Variants in NUFIP1 observed in about 807,000 individuals in gnomAD.
The protein encoded by NUFIP1 is FMR1-interacting protein NUFIP1.
A neutral mutation model predicts 56.2 loss-of-function variants in NUFIP1; 38 were observed. The observed-to-expected ratio is 0.68, with a 90% CI of 0.52 to 0.89. The LOEUF is 0.89. Ranked by LOEUF, NUFIP1 falls within the 40% of genes least tolerant of loss-of-function variation. The probability of loss-of-function intolerance (pLI) is 0.00; values close to 1 mark genes in which losing one functional copy is unlikely to be tolerated. For missense variants in NUFIP1, 567 were observed against 605.8 expected (o/e 0.94, Z 0.67); for synonymous variants, 215 against 212.4 (o/e 1.01, Z -0.10).
chr13:44,956,719 G>A (rs1177557599), intron 7 of NUFIP1, among the ~76,000 whole-genome samples: 2 of 152,150 alleles, frequency 1.3e-5, no homozygotes, highest in African/African-American at 4.8e-5. Context: ...ACAGGAGGCG[G>A]AGCTCACAGG....
At chr13:44,968,442 A>G (rs1314986586) in intron 5 of NUFIP1, among the ~76,000 whole-genome samples, 1 of 151,608 alleles carries the variant, frequency 6.6e-6, no homozygotes, top group African/African-American at 2.4e-5. Context: ...GGGATTCAGA[A>G]GAGACTCAAA....
At chr13:44,944,290 A>C (rs1212650160) in intron 8 of NUFIP1, among the ~76,000 whole-genome samples, 1 of 152,162 alleles carries the variant, frequency 6.6e-6, no homozygotes, top group African/African-American at 2.4e-5. Flanking sequence ...TATACCAATC[A>C]CATGAACGCC....
At chr13:44,962,200 A>G (rs953774654) in intron 6 of NUFIP1, among the ~76,000 whole-genome samples, 8 of 152,224 alleles carry the variant, frequency 5.3e-5, no homozygotes, top group Non-Finnish European at 1.2e-4. Flanking sequence ...AAAGGCAAAG[A>G]TTTTCAGTTT....
In NUFIP1 at chr13:44,959,524, G is replaced by A; in HGVS notation, c.878C>T (p.Pro293Leu). The change falls in exon 7 of 10, where the codon CCT (proline) becomes CTT (leucine). Residue 293 changes from proline to leucine, a missense_variant. Transcript: ENST00000379161. The part of the protein sequence containing the change: ...RHSQMAKIRS[P>L]GKNHKWKNDN... ...GTTTTTCCATTTGTGATTCTTGCCA[G>A]GACTTCTGATCTTTGCCATTTGTGA... is the stretch of plus-strand genomic sequence containing the variant. 6.2e-7 allele frequency: 1 copy of A among 1,613,920 alleles called. No individual in the cohort carries two copies. Among genetic ancestry groups the A allele is most frequent in the Non-Finnish European group, 8.5e-7 (1 of 1,179,962 alleles).
At chr13:44,952,655 C>A (rs539187800) in intron 7 of NUFIP1, among the ~76,000 whole-genome samples, 154 of 152,244 alleles carry the variant, frequency 1.0e-3, no homozygotes, top group African/African-American at 3.6e-3. Context: ...ATCCTTCATC[C>A]AGCTTCCCTG....
chr13:44,941,910 G>T (rs999165804), intron 9 of NUFIP1, among the ~76,000 whole-genome samples: 1 of 150,722 alleles, frequency 6.6e-6, no homozygotes, highest in East Asian at 2.0e-4. Context: ...AAACGTCTGC[G>T]ATTCTTTTTT....
rs114981372 is a variant in NUFIP1, at chr13:44,955,765, G to A, written c.1021+3616C>T. On this transcript the variant is annotated intron_variant, in intron 7 of 9. Coordinates refer to ENST00000379161, the MANE Select transcript of NUFIP1 (RefSeq NM_012345.3). ...TCCAATCTTTTGGCCTCCCTGGGCCGCATTGGAAGAACTGTCTTGGGCCAC... is the reference window on the plus strand; with the variant it reads ...TCCAATCTTTTGGCCTCCCTGGGCCACATTGGAAGAACTGTCTTGGGCCAC... Among the ~76,000 whole-genome samples the A allele has an allele frequency of 5.8e-3, 879 of 152,072 alleles. 6 individuals carry two copies. The highest frequency in any genetic ancestry group is 0.02 in the African/African-American group (821 of 41,484).
chr13:44,963,325 C>A (rs1364650828), intron 6 of NUFIP1, among the ~76,000 whole-genome samples: 4 of 152,060 alleles, frequency 2.6e-5, no homozygotes, highest in Non-Finnish European at 4.4e-5. Flanking sequence ...TTTAAATTTT[C>A]AATTTTTAAT....
chr13:44,984,039 A>G (rs939662721), intron 1 of NUFIP1, among the ~76,000 whole-genome samples: 1 of 151,202 alleles, frequency 6.6e-6, no homozygotes, highest in East Asian at 1.9e-4. Flanking sequence ...ATGAGATTCT[A>G]ATTTATTTTC....
intron 5 of NUFIP1, among the ~76,000 whole-genome samples, chr13:44,971,044 T>A (rs537378064): frequency 2.0e-5 from 3 of 152,136 alleles, no homozygotes; most frequent in African/African-American, 7.2e-5. Flanking sequence ...CTATCAAACA[T>A]ACCAAAAGAA....
intron 8 of NUFIP1, among the ~76,000 whole-genome samples, chr13:44,944,629 G>A (rs1271398477): frequency 2.0e-5 from 3 of 151,956 alleles, no homozygotes. Flanking sequence ...TTCTTGTCAA[G>A]TTCATATGAA....
chr13:44,984,629 G>A (rs1053827644), intron 1 of NUFIP1, among the ~76,000 whole-genome samples: 2 of 152,120 alleles, frequency 1.3e-5, no homozygotes, highest in East Asian at 1.9e-4. Flanking sequence ...GTGACAGCAA[G>A]AGACTCTATT....
chr13:44,987,689 C>T (rs368500067), intron 1 of NUFIP1, among the ~76,000 whole-genome samples: 1 of 152,178 alleles, frequency 6.6e-6, no homozygotes, highest in African/African-American at 2.4e-5. Flanking sequence ...TTCTCACCAT[C>T]CCTTGGGCTT....
intron 5 of NUFIP1, among the ~76,000 whole-genome samples, chr13:44,970,660 T>C (rs1222232675): frequency 6.6e-6 from 1 of 152,128 alleles, no homozygotes; most frequent in Non-Finnish European, 1.5e-5. Flanking sequence ...AGTATATTTT[T>C]GTAACAGGGT....
intron 5 of NUFIP1, among the ~76,000 whole-genome samples, chr13:44,974,548 A>ATTTGT (rs768373401): frequency 1.8e-4 from 28 of 152,128 alleles, no homozygotes; most frequent in Admixed American, 1.6e-3. Flanking sequence ...GGCACTGGAA[A>ATTTGT]TTTGTTTTGT....
intron 8 of NUFIP1, among the ~76,000 whole-genome samples, chr13:44,945,825 G>T (rs1870886706): frequency 6.6e-6 from 1 of 152,062 alleles, no homozygotes; most frequent in Non-Finnish European, 1.5e-5. Context: ...ATGATATAAA[G>T]AATTCTATTC....
intron 2 of NUFIP1, among the ~76,000 whole-genome samples, chr13:44,981,331 C>CAAA (rs57342102): frequency 0.085 from 12,585 of 147,218 alleles, 880 homozygotes; most frequent in African/African-American, 0.18. Flanking sequence ...TTAGAAATAT[C>CAAA]AAAAAAAAAA....
chr13:44,989,101 G>T lies in NUFIP1; in HGVS notation c.336C>A (p.Phe112Leu), dbSNP rs779827230. ...TCCAATACCACGATGTGGAAGCATG[G>T]AAATTCCAAGGCTGGCCGCTGGGTT... ...QPQPSGQPWN[F>L]HASTSWYWRQ... The change falls in exon 1 of 10, where the codon TTC (phenylalanine) becomes TTA (leucine). Residue 112 changes from phenylalanine (F) to leucine (L), a missense_variant. Coordinates refer to ENST00000379161, the MANE Select transcript of NUFIP1 (RefSeq NM_012345.3). The T allele has an allele frequency of 1.9e-6, 3 of 1,614,200 alleles. No homozygotes were observed. Among genetic ancestry groups the T allele is most frequent in the Non-Finnish European group, 2.5e-6 (3 of 1,180,020 alleles).
chr13:44,985,597 G>A (rs1012741925), intron 1 of NUFIP1, among the ~76,000 whole-genome samples: 10 of 151,992 alleles, frequency 6.6e-5, no homozygotes, highest in African/African-American at 2.2e-4. Context: ...TTTTTATTAC[G>A]TCTGTTATAC....
Sources: allele counts gnomAD v4.1 joint callset (sites outside exome capture counted in the v4.1 genomes callset), GRCh38; gene constraint gnomAD v4.1.1; transcripts MANE v1.5; gene names NCBI Gene and HGNC (gene_info 2026-07-23, HGNC 2026-07-21).